Variants in ST7 observed in about 807,000 individuals in gnomAD.
ST7 encodes suppression of tumorigenicity 7.
Under a neutral mutation model 78.7 loss-of-function variants are expected in ST7, and 28 were observed. That is an observed-to-expected ratio of 0.36 (90% CI 0.26 to 0.49). ST7 has a LOEUF of 0.49. Ranked by LOEUF, ST7 falls within the 20% of genes least tolerant of loss-of-function variation. ST7 has a pLI of 0.99. For synonymous variants in ST7, 247 were observed against 249.6 expected (o/e 0.99, Z 0.10); for missense variants, 418 against 696.0 (o/e 0.60, Z 4.49).
At chr7:117,089,498 A>AC (rs1800417638) in intron 1 of ST7, among the ~76,000 whole-genome samples, 2 of 152,084 alleles carry the variant, frequency 1.3e-5, no homozygotes, top group Non-Finnish European at 1.5e-5. Flanking sequence ...ACAAAACAAA[A>AC]AAAAACCTGT....
chr7:116,996,710 G>A (rs1047012956), intron 1 of ST7, among the ~76,000 whole-genome samples: 1 of 152,116 alleles, frequency 6.6e-6, no homozygotes, highest in Non-Finnish European at 1.5e-5. Flanking sequence ...GTTTCCTCAT[G>A]GTGCAAATGA....
chr7:117,114,732 G>A (rs1802719585), intron 2 of ST7, among the ~76,000 whole-genome samples: 2 of 152,302 alleles, frequency 1.3e-5, no homozygotes, highest in South Asian at 2.1e-4. Context: ...CACATGGAGT[G>A]TTTTATGTAT....
At chr7:117,204,242 T>G (rs1215300519) in intron 12 of ST7, among the ~76,000 whole-genome samples, 1 of 152,236 alleles carries the variant, frequency 6.6e-6, no homozygotes, top group Non-Finnish European at 1.5e-5. Flanking sequence ...AACATTTAAT[T>G]TTTTTGGTAG....
chr7:117,104,458 A>G (rs1801803885), intron 2 of ST7, among the ~76,000 whole-genome samples: 1 of 152,156 alleles, frequency 6.6e-6, no homozygotes, highest in South Asian at 2.1e-4. Context: ...AAACAAAACA[A>G]AAACTGGGTG....
intron 1 of ST7, among the ~76,000 whole-genome samples, chr7:117,064,301 A>G (rs776180709): frequency 5.9e-5 from 9 of 152,198 alleles, no homozygotes; most frequent in Non-Finnish European, 7.3e-5. Flanking sequence ...TGATGTAATT[A>G]TTATGAAAAG....
At chr7:117,215,957 T>A (rs1350277503) in intron 13 of ST7, among the ~76,000 whole-genome samples, 1 of 152,130 alleles carries the variant, frequency 6.6e-6, no homozygotes, top group Non-Finnish European at 1.5e-5. Flanking sequence ...TAAGATTGAT[T>A]ACATTCTATC....
At chr7:117,163,860 T>C (rs779709816) in intron 9 of ST7, among the ~76,000 whole-genome samples, 1 of 152,178 alleles carries the variant, frequency 6.6e-6, no homozygotes, top group Non-Finnish European at 1.5e-5. Flanking sequence ...TAAAATATTT[T>C]CCCAGACCAA....
intron 1 of ST7, among the ~76,000 whole-genome samples, chr7:117,046,490 C>G (rs1292515506): frequency 2.0e-5 from 3 of 152,018 alleles, no homozygotes; most frequent in African/African-American, 4.8e-5. Context: ...TTCCATGAAG[C>G]CTTTTTTAGC....
intron 13 of ST7, among the ~76,000 whole-genome samples, chr7:117,213,428 T>A (rs1792445897): frequency 6.6e-6 from 1 of 152,212 alleles, no homozygotes; most frequent in Admixed American, 6.5e-5. Flanking sequence ...TTAGTTTCTG[T>A]CAAAAGTGTT....
intron 2 of ST7, among the ~76,000 whole-genome samples, chr7:117,115,351 T>A (rs1029312007): frequency 2.0e-5 from 3 of 150,578 alleles, no homozygotes; most frequent in Non-Finnish European, 4.4e-5. Flanking sequence ...AGTGGTAGGT[T>A]ACTTTTTTTT....
At chr7:117,028,808 C>T (rs1796329129) in intron 1 of ST7, among the ~76,000 whole-genome samples, 1 of 152,110 alleles carries the variant, frequency 6.6e-6, no homozygotes, top group Non-Finnish European at 1.5e-5. Context: ...ACTAGATCTC[C>T]AGGATAGCTC....
In ST7 at chr7:117,221,951, G is replaced by T; in HGVS notation, c.1527G>T (p.Lys509Asn). The T allele has an allele frequency of 6.2e-7, 1 of 1,612,112 alleles. No individual in the cohort carries two copies. The highest frequency in any genetic ancestry group is 8.5e-7 in the Non-Finnish European group (1 of 1,179,234). Residue 509 changes from lysine (K) to asparagine (N), a missense_variant, in exon 15 of 16, where the codon AAG becomes AAT. Coordinates refer to ENST00000323984, the MANE Select transcript of ST7 (RefSeq NM_001369598.1). ...TCCATGAAGTCTCAGTTTACCCAAA[G>T]AAGGAGCTTCCCTTCTTTATTCTCT... ...PSFHEVSVYP[K>N]KELPFFILFT...
chr7:117,154,835 G>A (rs1273779845), intron 9 of ST7, among the ~76,000 whole-genome samples: 1 of 152,118 alleles, frequency 6.6e-6, no homozygotes, highest in Non-Finnish European at 1.5e-5. Flanking sequence ...AAAGATGTGA[G>A]GAAGTCAGGA....
intron 12 of ST7, among the ~76,000 whole-genome samples, chr7:117,204,995 G>A (rs1791609306): frequency 6.6e-6 from 1 of 152,168 alleles, no homozygotes; most frequent in Admixed American, 6.5e-5. Flanking sequence ...TTGAGCCCAG[G>A]AGTTCAAGGC....
Position 117,154,148 on chromosome 7 carries a change from G to A in ST7, c.963+15616G>A, listed in dbSNP as rs373477180. On this transcript the variant is annotated intron_variant, in intron 9 of 15. Coordinates refer to ENST00000323984, the MANE Select transcript of ST7 (RefSeq NM_001369598.1). ...TGTGATGGCATCTAAAGACGGTGCC[G>A]TTTGGGAGCTAATTAGGTCATGAGG... 7.2e-5 allele frequency among the ~76,000 whole-genome samples: 11 copies of A among 152,234 alleles called. No individual in the cohort carries two copies. In the East Asian group the frequency reaches 1.4e-3, roughly 19 times the overall value.
In ST7 at chr7:117,129,842, C is replaced by T. The variant is rs770229766; in HGVS notation, c.444C>T (p.Tyr148=). ...TAAATTTATTTAGGGGTGCTGAATA[C>T]AATCGGTAAGCATTTTGACAGCTTG... ...NPLNLFRGAE[Y]NRYTWVTGRE... Residue 148 remains tyrosine, a synonymous_variant, in exon 4 of 16, where the codon TAC becomes TAT. Coordinates refer to ENST00000323984, the MANE Select transcript of ST7 (RefSeq NM_001369598.1). The T allele has an allele frequency of 6.2e-7, 1 of 1,609,208 alleles. No homozygotes were observed. The highest frequency in any genetic ancestry group is 1.7e-5 in the Admixed American group (1 of 59,112).
rs74400740 is a variant in ST7, at chr7:117,183,788, G to A, written c.1079-5533G>A. ...ATCCCTGAGAAATGAGTTTTCTTACGCTTACACAAAAATGATCACAGCAGC... is the reference window on the plus strand; with the variant it reads ...ATCCCTGAGAAATGAGTTTTCTTACACTTACACAAAAATGATCACAGCAGC... On this transcript the variant is annotated intron_variant, in intron 10 of 15. Coordinates refer to ENST00000323984, the MANE Select transcript of ST7 (RefSeq NM_001369598.1). Among the ~76,000 whole-genome samples, 73 of 152,240 alleles carry A rather than the reference G, an allele frequency of 4.8e-4. 1 individual carries two copies. The East Asian group carries it at 0.013, about 28-fold the overall frequency.
intron 13 of ST7, among the ~76,000 whole-genome samples, chr7:117,211,525 C>T (rs1012252053): frequency 1.3e-4 from 20 of 152,080 alleles, no homozygotes; most frequent in African/African-American, 4.8e-4. Flanking sequence ...ATTAAATGGA[C>T]AAGTTGGCTT....
intron 1 of ST7, among the ~76,000 whole-genome samples, chr7:117,008,322 C>A (rs1221660849): frequency 6.6e-6 from 1 of 152,180 alleles, no homozygotes; most frequent in Non-Finnish European, 1.5e-5. Flanking sequence ...GGATTGTAGT[C>A]TGTTTCTTGT....
Sources: gnomAD v4.1 joint callset for allele counts (sites outside exome capture counted in the v4.1 genomes callset) on GRCh38, gnomAD v4.1.1 for gene constraint, MANE v1.5 for transcripts, NCBI Gene and HGNC (gene_info 2026-07-23, HGNC 2026-07-21) for gene names.